Variants in CDKAL1 observed in about 807,000 individuals in gnomAD.
CDKAL1 encodes CDKAL1 threonylcarbamoyladenosine tRNA methylthiotransferase, also known as threonylcarbamoyladenosine tRNA methylthiotransferase.
A neutral mutation model predicts 68.2 loss-of-function variants in CDKAL1; 32 were observed. The observed-to-expected ratio is 0.47, with a 90% CI of 0.35 to 0.63. The LOEUF (loss-of-function observed/expected upper bound fraction) is 0.63, where lower values mean the gene tolerates loss of function less well. CDKAL1 is among the 30% of genes least tolerant of loss of function. The pLI is 0.00. For synonymous variants in CDKAL1, 234 were observed against 244.3 expected (o/e 0.96, Z 0.39); for missense variants, 606 against 696.7 (o/e 0.87, Z 1.47).
intron 4 of CDKAL1, among the ~76,000 whole-genome samples, chr6:20,637,692 A>C (rs771300754): frequency 2.6e-5 from 4 of 152,240 alleles, no homozygotes; most frequent in African/African-American, 7.2e-5. Flanking sequence ...TAGAAGTCAT[A>C]CAAGGAAAAG....
At chr6:20,999,471 A>G (rs1328945987) in intron 10 of CDKAL1, among the ~76,000 whole-genome samples, 1 of 151,932 alleles carries the variant, frequency 6.6e-6, no homozygotes, top group Non-Finnish European at 1.5e-5. Context: ...TGAGTTTTTA[A>G]TGTTTTTCAC....
intron 13 of CDKAL1, among the ~76,000 whole-genome samples, chr6:21,194,690 T>C (rs191389580): frequency 1.9e-4 from 29 of 152,292 alleles, no homozygotes; most frequent in Non-Finnish European, 3.4e-4. Flanking sequence ...AGACAGCATC[T>C]AGAAAGTGTA....
chr6:20,972,834 G>A (rs1365414553), intron 10 of CDKAL1, among the ~76,000 whole-genome samples: 1 of 152,138 alleles, frequency 6.6e-6, no homozygotes, highest in Non-Finnish European at 1.5e-5. Context: ...TTTTTGTGGA[G>A]CACTGGACAG....
chr6:21,203,341 A>T (rs1778769685), intron 15 of CDKAL1, among the ~76,000 whole-genome samples: 1 of 146,518 alleles, frequency 6.8e-6, no homozygotes. Flanking sequence ...AGTTCAAGCA[A>T]TTCTCATGCC....
At chr6:20,807,472 C>T (rs961728303) in intron 8 of CDKAL1, among the ~76,000 whole-genome samples, 5 of 152,292 alleles carry the variant, frequency 3.3e-5, no homozygotes, top group Middle Eastern at 3.4e-3. Context: ...CGGCCCACCT[C>T]GGCCTCCCAA....
intron 4 of CDKAL1, among the ~76,000 whole-genome samples, chr6:20,624,080 G>A (rs1767315791): frequency 6.6e-6 from 1 of 151,996 alleles, no homozygotes; most frequent in Non-Finnish European, 1.5e-5. Flanking sequence ...TTATTGTAGA[G>A]TTCTTTTCTT....
intron 4 of CDKAL1, among the ~76,000 whole-genome samples, chr6:20,608,358 T>C (rs1294711974): frequency 1.3e-5 from 2 of 152,242 alleles, no homozygotes; most frequent in African/African-American, 4.8e-5. Flanking sequence ...GAAAATCTAC[T>C]ACTTTTTAGT....
In CDKAL1 at chr6:20,764,417, G is replaced by C. The variant is rs142555265; in HGVS notation, c.517+5774G>C. 3.0e-3 allele frequency among the ~76,000 whole-genome samples: 450 copies of C among 152,230 alleles called. 4 individuals are homozygous for C. Among genetic ancestry groups the C allele is most frequent in the African/African-American group, 0.01 (436 of 41,540 alleles). On this transcript the variant is annotated intron_variant, in intron 7 of 15. Transcript: ENST00000274695. ...TGGTATATAATTTGCAAGTTTCACC[G>C]ATTTTCTGTTTTTTCCTAACTTCTC... is the stretch of plus-strand genomic sequence containing the variant.
chr6:21,140,379 G>A (rs1775836589), intron 13 of CDKAL1, among the ~76,000 whole-genome samples: 1 of 152,218 alleles, frequency 6.6e-6, no homozygotes, highest in African/African-American at 2.4e-5. Context: ...AACACTAGAG[G>A]AGCCAGACAT....
At chr6:20,643,567 T>C (rs1768291783) in intron 4 of CDKAL1, among the ~76,000 whole-genome samples, 1 of 152,196 alleles carries the variant, frequency 6.6e-6, no homozygotes, top group Admixed American at 6.5e-5. Context: ...GGGTAAGCCA[T>C]GTGGAATCAC....
chr6:20,641,351 T>C (rs1291689086), intron 4 of CDKAL1, among the ~76,000 whole-genome samples: 2 of 152,154 alleles, frequency 1.3e-5, no homozygotes, highest in Non-Finnish European at 2.9e-5. Context: ...CAGATAGATA[T>C]AAATTAAATA....
intron 5 of CDKAL1, among the ~76,000 whole-genome samples, chr6:20,709,890 T>G (rs767386938): frequency 2.0e-5 from 3 of 152,144 alleles, no homozygotes; most frequent in Non-Finnish European, 4.4e-5. Context: ...TTTCTCTATG[T>G]TTTTATTGGG....
At position 20,756,901 on chromosome 6, in the gene CDKAL1, T is replaced by TTCCC. The variant is rs1308628096; in HGVS notation, c.469-1691_469-1690insCTCC. 524 of 74,114 alleles carry TTCCC rather than the reference T, an allele frequency of 7.1e-3. 3 individuals carry two copies. Among genetic ancestry groups the TTCCC allele is most frequent in the Non-Finnish European group, 0.011 (335 of 31,160 alleles). 4.6% of individuals were successfully genotyped at this position (74,114 alleles called of 1,614,324 possible). On this transcript the variant is annotated intron_variant, in intron 6 of 15. Coordinates refer to ENST00000274695, the MANE Select transcript of CDKAL1 (RefSeq NM_017774.3). ...CTTCCTTCCTTCCTTCCTTCCTTCC[T>TTCCC]TCCTTCCTTCCTTCCTTCCTTCCCT...
At chr6:21,038,493 T>C (rs1011314051) in intron 11 of CDKAL1, among the ~76,000 whole-genome samples, 1 of 152,158 alleles carries the variant, frequency 6.6e-6, no homozygotes, top group Non-Finnish European at 1.5e-5. Flanking sequence ...AAGCAAAAAT[T>C]TTTTACAAAG....
intron 10 of CDKAL1, among the ~76,000 whole-genome samples, chr6:20,981,500 G>C (rs1766143088): frequency 6.6e-6 from 1 of 152,134 alleles, no homozygotes; most frequent in Admixed American, 6.5e-5. Context: ...GTGGAGAGAT[G>C]ATCCTATGAG....
intron 10 of CDKAL1, among the ~76,000 whole-genome samples, chr6:20,995,983 C>G (rs1049946008): frequency 6.6e-6 from 1 of 152,242 alleles, no homozygotes; most frequent in East Asian, 1.9e-4. Flanking sequence ...TAATTTGCTA[C>G]AGCTTCTACT....
chr6:20,976,798 A>C (rs558670668), intron 10 of CDKAL1, among the ~76,000 whole-genome samples: 1 of 152,314 alleles, frequency 6.6e-6, no homozygotes, highest in Admixed American at 6.5e-5. Flanking sequence ...GCCCAACAGA[A>C]TGTCCATGAG....
At chr6:21,218,439 C>G (rs4710965) in intron 15 of CDKAL1, among the ~76,000 whole-genome samples, 93,169 of 152,178 alleles carry the variant, frequency 0.61, 29,422 homozygotes, top group African/African-American at 0.76. Flanking sequence ...GGTCAGAAAT[C>G]TAGGTGCAGC....
At chr6:20,701,478 T>G (rs1289499332) in intron 5 of CDKAL1, among the ~76,000 whole-genome samples, 1 of 152,166 alleles carries the variant, frequency 6.6e-6, no homozygotes, top group Non-Finnish European at 1.5e-5. Flanking sequence ...TCTATTACCT[T>G]CCTGTAGATA....
Sources: allele counts gnomAD v4.1 joint callset (sites outside exome capture counted in the v4.1 genomes callset), GRCh38; gene constraint gnomAD v4.1.1; transcripts MANE v1.5; gene names NCBI Gene and HGNC (gene_info 2026-07-23, HGNC 2026-07-21).